Variants in GK observed in about 807,000 individuals in gnomAD.
The protein encoded by GK is ATP:glycerol 3-phosphotransferase.
In GK, 9 loss-of-function variants were observed where a neutral mutation model predicts 56.4. The observed-to-expected ratio is 0.16, with a 90% CI of 0.10 to 0.28. GK has a LOEUF of 0.28. GK is among the 10% of genes least tolerant of loss of function. The pLI is 1.00. For synonymous variants in GK, 104 were observed against 144.1 expected, an observed-to-expected ratio of 0.72 and a Z score of 1.99; for missense variants, 161 against 431.4, an observed-to-expected ratio of 0.37 and a Z score of 5.55.
chrX:30,685,927 A>T (rs1327263764), intron 4 of GK, among the ~76,000 whole-genome samples: 1 of 112,237 alleles, frequency 8.9e-6, no homozygotes, highest in African/African-American at 3.2e-5. Context: ...CTGACGGACT[A>T]TAAGGCTTCA....
chrX:30,719,959 A>T, intron 15 of GK, 52 bp from the exon 16 acceptor site: 2 of 832,382 alleles, frequency 2.4e-6, no homozygotes, highest in Non-Finnish European at 3.6e-6. Context: ...AGATATTTCA[A>T]ATTGATTGGT....
At chrX:30,700,359 T>C in intron 9 of GK, 55 bp from the exon 10 acceptor site, 1 of 915,234 alleles carries the variant, frequency 1.1e-6, no homozygotes, top group South Asian at 2.0e-5. Context: ...TGCAGCTATG[T>C]TAGTAGAGCC....
At chrX:30,662,805 TTCCTTCTC>T (rs1250997619) in intron 1 of GK, among the ~76,000 whole-genome samples, 5 of 82,888 alleles carry the variant, frequency 6.0e-5, no homozygotes, top group African/African-American at 1.9e-4. Context: ...CCTTCCTTCC[TTCCTTCTC>T]TCTCTCTCTC....
intron 14 of GK, among the ~76,000 whole-genome samples, chrX:30,719,136 A>G (rs1173915435): frequency 9.0e-6 from 1 of 111,411 alleles, no homozygotes; most frequent in African/African-American, 3.3e-5. Context: ...TCTCCTAGTC[A>G]GCAACCTTAA....
chrX:30,655,996 A>G (rs1601859759), intron 1 of GK, among the ~76,000 whole-genome samples: 1 of 112,152 alleles, frequency 8.9e-6, no homozygotes, highest in African/African-American at 3.2e-5. Flanking sequence ...ATAAAAGTTG[A>G]TCAGTAAAAT....
intron 1 of GK, among the ~76,000 whole-genome samples, chrX:30,657,151 G>A (rs1337440442): frequency 1.8e-5 from 2 of 112,904 alleles, no homozygotes; most frequent in African/African-American, 3.2e-5. Context: ...GCCCAGCCAA[G>A]TTAACTGAAT....
rs1280172418 is a variant in GK at position 30,704,611 on chromosome X, C to CG, written c.852-2945_852-2944insG. On this transcript the variant is annotated intron_variant, in intron 11 of 20. Coordinates refer to ENST00000427190, the MANE Select transcript of GK (RefSeq NM_001205019.2). ...TTTTTGAGATGGAGTCTCGCTCTGT[C>CG]ACCAGGCTGGAGTGCAGTGGCATGA... 7.5e-5 allele frequency among the ~76,000 whole-genome samples: 8 copies of CG among 106,981 alleles called. No individual in the cohort carries two copies. In the East Asian group the frequency reaches 2.4e-3, roughly 32 times the overall value. 92.9% of individuals were successfully genotyped at this position (106,981 alleles called of 115,157 possible). A position where few individuals can be genotyped will look rare whatever the true frequency, so the allele number is the denominator to read the frequency against.
rs191001975 is a variant in GK, at chrX:30,701,653, C to G, written c.851+748C>G. 3.0e-3 allele frequency among the ~76,000 whole-genome samples: 335 copies of G among 112,088 alleles called. 1 individual carries two copies. Among genetic ancestry groups the G allele is most frequent in the African/African-American group, 0.011 (325 of 30,874 alleles). ...TTATTTTCCTGGCATTGTGCTTTCT[C>G]TCCATTATCTGAAGTTTCGCCTTTC... is the stretch of plus-strand genomic sequence containing the variant. On this transcript the variant is annotated intron_variant, in intron 11 of 20. Coordinates refer to ENST00000427190, the MANE Select transcript of GK (RefSeq NM_001205019.2).
At chrX:30,707,983 C>T in intron 12 of GK, 71 bp from the exon 13 acceptor site, 1 of 632,815 alleles carries the variant, frequency 1.6e-6, no homozygotes, top group Non-Finnish European at 2.6e-6. Context: ...GTTATTTTAA[C>T]TTTAAAAAAA....
chrX:30,688,331 A>G (rs1308854038), intron 4 of GK, among the ~76,000 whole-genome samples: 3 of 110,877 alleles, frequency 2.7e-5, no homozygotes, highest in Non-Finnish European at 5.7e-5. Flanking sequence ...CCATCTGATT[A>G]TCGGGGGGGT....
chrX:30,668,535 G>A (rs950907686), intron 3 of GK, among the ~76,000 whole-genome samples: 2 of 111,429 alleles, frequency 1.8e-5, no homozygotes, highest in African/African-American at 6.5e-5. Context: ...ACGTACAAAG[G>A]CCCTGAAGTG....
intron 4 of GK, among the ~76,000 whole-genome samples, chrX:30,679,574 A>G (rs1934167745): frequency 8.9e-6 from 1 of 111,980 alleles, no homozygotes; most frequent in Non-Finnish European, 1.9e-5. Flanking sequence ...GGTAAGCTGA[A>G]GTTATGCTTA....
intron 2 of GK, among the ~76,000 whole-genome samples, chrX:30,667,162 T>A (rs1262136344): frequency 2.7e-5 from 3 of 109,200 alleles, no homozygotes; most frequent in Admixed American, 9.8e-5. Flanking sequence ...TCAAAAAAAA[T>A]AAAAATTAAA....
At chrX:30,669,548 C>T (rs1386383266) in intron 3 of GK, among the ~76,000 whole-genome samples, 1 of 111,639 alleles carries the variant, frequency 9.0e-6, no homozygotes. Context: ...GAAAAAAAAT[C>T]CAGCCACCCA....
At chrX:30,693,631 C>T (rs756648782) in intron 5 of GK, among the ~76,000 whole-genome samples, 5 of 111,673 alleles carry the variant, frequency 4.5e-5, no homozygotes, top group African/African-American at 3.3e-5. Context: ...TCACTGCAAC[C>T]TCTGCCTCCC....
At chrX:30,724,879 A>G (rs1322939014) in intron 19 of GK, among the ~76,000 whole-genome samples, 1 of 110,411 alleles carries the variant, frequency 9.1e-6, no homozygotes, top group Non-Finnish European at 1.9e-5. Context: ...TTATTGAAGC[A>G]TATACTTTTT....
At chrX:30,690,840 T>C (rs1170329195) in intron 4 of GK, among the ~76,000 whole-genome samples, 1 of 112,053 alleles carries the variant, frequency 8.9e-6, no homozygotes, top group Non-Finnish European at 1.9e-5. Flanking sequence ...TTTTTTGTAG[T>C]TTTGTTCTAT....
At chrX:30,686,170 C>A (rs908849754) in intron 4 of GK, among the ~76,000 whole-genome samples, 1 of 112,731 alleles carries the variant, frequency 8.9e-6, no homozygotes, top group Non-Finnish European at 1.9e-5. Flanking sequence ...TCTTTCCTTC[C>A]CAACTCTGTT....
chrX:30,727,727 C>A (rs911962674), intron 20 of GK, among the ~76,000 whole-genome samples, 175 bp downstream of exon 20: 1 of 111,090 alleles, frequency 9.0e-6, no homozygotes, highest in African/African-American at 3.3e-5. Flanking sequence ...GAAGTAAGAA[C>A]TGTGACTCTG....
Sources: allele counts gnomAD v4.1 joint callset (sites outside exome capture counted in the v4.1 genomes callset), GRCh38; gene constraint gnomAD v4.1.1; transcripts MANE v1.5; gene names NCBI Gene and HGNC (gene_info 2026-07-23, HGNC 2026-07-21).